ZFP1: variants seen among roughly 807,000 people sequenced by gnomAD.
ZFP1 encodes ZFP1 zinc finger protein.
ZFP1 carries 32 observed loss-of-function variants against 38.5 expected under a neutral mutation model. That is an observed-to-expected ratio of 0.83 (90% CI 0.63 to 1.12). The LOEUF (loss-of-function observed/expected upper bound fraction) is 1.12, where lower values mean the gene tolerates loss of function less well. ZFP1 is among the 50% of genes most tolerant of loss of function. The pLI is 0.00. For synonymous variants in ZFP1, 245 were observed against 168.8 expected (o/e 1.45, Z -3.50); for missense variants, 616 against 480.8 (o/e 1.28, Z -2.63).
the ZFP1 span, among the ~76,000 whole-genome samples, chr16:75,121,736 A>G: frequency 1.2e-4 from 18 of 152,212 alleles, no homozygotes; most frequent in East Asian, 3.5e-3. Flanking sequence ...TAACTGGCTT[A>G]AGAAAATAAA....
intron 2 of ZFP1, among the ~76,000 whole-genome samples, chr16:75,164,416 C>A (rs562401703): frequency 6.6e-6 from 1 of 152,310 alleles, no homozygotes; most frequent in African/African-American, 2.4e-5. Context: ...CCTGCCACAA[C>A]TTCTAAGTTG....
chr16:75,138,972 T>G, the ZFP1 span, among the ~76,000 whole-genome samples: 11 of 152,154 alleles, frequency 7.2e-5, no homozygotes, highest in Non-Finnish European at 1.6e-4. Flanking sequence ...CTCTAGGATC[T>G]TCCTCCCCAA....
At chr16:75,129,804 T>A in the ZFP1 span, among the ~76,000 whole-genome samples, 3 of 152,202 alleles carry the variant, frequency 2.0e-5, no homozygotes, top group African/African-American at 7.2e-5. Flanking sequence ...TTAACTGAGA[T>A]CTGCCTCAGA....
chr16:75,136,552 A>G, the ZFP1 span, among the ~76,000 whole-genome samples: 12 of 152,304 alleles, frequency 7.9e-5, no homozygotes, highest in African/African-American at 2.9e-4. Flanking sequence ...TAATACAGAT[A>G]CAGTTAATTA....
Position 75,168,230 on chromosome 16 carries a change from A to G in ZFP1, c.143-1023A>G, listed in dbSNP as rs560036977. ...TTGAGAAATCTTCAGACTGTTCTCC[A>G]CAGTGGCTGAACTAATTTAAATTCC... On this transcript the variant is annotated intron_variant, in intron 3 of 3. Transcript: ENST00000570010. Among the ~76,000 whole-genome samples, 11 of 152,368 alleles carry G rather than the reference A, an allele frequency of 7.2e-5. No individual in the cohort carries two copies. In the South Asian group the frequency reaches 2.3e-3, roughly 32 times the overall value.
the ZFP1 span, chr16:75,127,744 A>G: frequency 6.6e-6 from 1 of 152,226 alleles, no homozygotes; most frequent in Non-Finnish European, 1.5e-5. Context: ...AACAGGAATT[A>G]ACTGCATGGA....
At chr16:75,137,222 G>C in the ZFP1 span, among the ~76,000 whole-genome samples, 2 of 152,102 alleles carry the variant, frequency 1.3e-5, no homozygotes, top group Non-Finnish European at 2.9e-5. Flanking sequence ...GAACTCCTAA[G>C]GGCCAAAGCT....
At chr16:75,123,816 G>T in the ZFP1 span, among the ~76,000 whole-genome samples, 1 of 151,460 alleles carries the variant, frequency 6.6e-6, no homozygotes, top group Non-Finnish European at 1.5e-5. Context: ...TCCCAGCCAG[G>T]TGTGGTGGCT....
chr16:75,148,214 A>G (rs552642607), upstream of ZFP1, among the ~76,000 whole-genome samples: 1 of 152,344 alleles, frequency 6.6e-6, no homozygotes, highest in Admixed American at 6.5e-5. Context: ...ATTCTAATTA[A>G]ATACAGTTAT....
At position 75,148,647 on chromosome 16, in the gene ZFP1, C is replaced by T. The variant is rs2037004753; in HGVS notation, c.-44+4C>T. ...AGTGGAGGCTGCGCCCCTCCAGGTACGAGAGGGGCTTCCAGGTAGCTCCGC... is the reference window on the plus strand; with the variant it reads ...AGTGGAGGCTGCGCCCCTCCAGGTATGAGAGGGGCTTCCAGGTAGCTCCGC... On this transcript the variant is annotated splice_donor_region_variant and intron_variant, in intron 1 of 3. Transcript: ENST00000570010. 6.6e-6 allele frequency: 1 copy of T among 152,246 alleles called. No homozygotes were observed. Among genetic ancestry groups the T allele is most frequent in the African/African-American group, 2.4e-5 (1 of 41,464 alleles). The allele number at this position is 152,246 out of a possible 1,614,324, so 9.4% of individuals were successfully genotyped here.
chr16:75,150,904 A>G (rs887071045), intron 1 of ZFP1, among the ~76,000 whole-genome samples: 1 of 152,124 alleles, frequency 6.6e-6, no homozygotes, highest in African/African-American at 2.4e-5. Context: ...AGCTGTCTGC[A>G]ACCTCAAACC....
intron 1 of ZFP1, among the ~76,000 whole-genome samples, chr16:75,150,237 C>T (rs1487738627): frequency 1.5e-5 from 2 of 134,502 alleles, no homozygotes; most frequent in Non-Finnish European, 3.1e-5. Context: ...GAGACAGAGT[C>T]TCGCTCTGTT....
At position 75,160,162 on chromosome 16, in the gene ZFP1, G is replaced by T. The variant is rs147651381; in HGVS notation, c.16-6608G>T. Among the ~76,000 whole-genome samples the T allele has an allele frequency of 8.7e-4, 133 of 152,286 alleles. 1 individual carries two copies. The highest frequency in any genetic ancestry group is 4.6e-3 in the South Asian group (22 of 4,822). On this transcript the variant is annotated intron_variant, in intron 2 of 3. Coordinates refer to ENST00000570010, the MANE Select transcript of ZFP1 (RefSeq NM_153688.4). The stretch of plus-strand genomic sequence containing the variant: ...AAGGCTTCTCTATGGCTTCTGTAGC[G>T]CCATCATCCTATGTCTTACTCCATT...
chr16:75,149,519 C>G (rs1423016671), intron 1 of ZFP1, among the ~76,000 whole-genome samples: 10 of 146,498 alleles, frequency 6.8e-5, no homozygotes, highest in Admixed American at 2.0e-4. Context: ...GATTGTAATA[C>G]TATATTTTTG....
chr16:75,131,928 G>A, the ZFP1 span, among the ~76,000 whole-genome samples: 1 of 151,246 alleles, frequency 6.6e-6, no homozygotes, highest in East Asian at 1.9e-4. Flanking sequence ...TCACACCACT[G>A]TACTCCAGCC....
rs907749497 is a variant in ZFP1 at position 75,171,138 on chromosome 16, C to T, written c.*804C>T. Reference sequence around the variant, plus strand: ...AGACAATATCCCCATTCGTCATGCTCTTATTTTCCCGTGGGATATTTGCAT... The same window carrying T: ...AGACAATATCCCCATTCGTCATGCTTTTATTTTCCCGTGGGATATTTGCAT... On this transcript the variant is annotated 3_prime_UTR_variant, in exon 4 of 4. Transcript: ENST00000570010. 4 of 152,184 alleles carry T rather than the reference C, an allele frequency of 2.6e-5. No homozygotes were observed. The highest frequency in any genetic ancestry group is 1.3e-4 in the Admixed American group (2 of 15,272). The allele number at this position is 152,184 out of a possible 1,614,324, so 9.4% of individuals were successfully genotyped here. A position where few individuals can be genotyped will look rare whatever the true frequency, so the allele number is the denominator to read the frequency against.
the ZFP1 span, among the ~76,000 whole-genome samples, chr16:75,131,118 C>T: frequency 3.3e-5 from 5 of 152,160 alleles, no homozygotes; most frequent in Non-Finnish European, 7.3e-5. Flanking sequence ...ACACGCTGTG[C>T]CCTCGGTCTG....
At chr16:75,158,670 G>A (rs1288512044) in intron 2 of ZFP1, among the ~76,000 whole-genome samples, 1 of 148,524 alleles carries the variant, frequency 6.7e-6, no homozygotes, top group Non-Finnish European at 1.5e-5. Flanking sequence ...GAATTTCAGT[G>A]TGTCATTTTG....
At chr16:75,168,879 C>G (rs570581962) in intron 3 of ZFP1, among the ~76,000 whole-genome samples, 1 of 152,176 alleles carries the variant, frequency 6.6e-6, no homozygotes, top group South Asian at 2.1e-4. Context: ...TGCTTACTTT[C>G]TCGGTCTCTG....
Sources: allele counts gnomAD v4.1 joint callset (sites outside exome capture counted in the v4.1 genomes callset), GRCh38; gene constraint gnomAD v4.1.1; transcripts MANE v1.5; gene names NCBI Gene and HGNC (gene_info 2026-07-23, HGNC 2026-07-21).